Variants in FBXO28 observed in about 807,000 individuals in gnomAD.
The protein encoded by FBXO28 is F-box only protein 28.
FBXO28 carries 8 observed loss-of-function variants against 38.1 expected under a neutral mutation model. The observed-to-expected ratio is 0.21, with a 90% CI of 0.12 to 0.38. FBXO28 has a LOEUF of 0.38. Among genes scored for constraint, FBXO28 ranks in the 10% least tolerant of loss-of-function variants. The pLI is 1.00. For missense variants in FBXO28, 345 were observed against 460.6 expected, an observed-to-expected ratio of 0.75 and a Z score of 2.30; for synonymous variants, 168 against 173.8, an observed-to-expected ratio of 0.97 and a Z score of 0.26.
chr1:224,147,098 ACT>A (rs1341717453), intron 3 of FBXO28, among the ~76,000 whole-genome samples: 1 of 151,828 alleles, frequency 6.6e-6, no homozygotes, highest in Admixed American at 6.6e-5. Flanking sequence ...ATTTAGTGAG[ACT>A]CTGTCAAAAA....
chr1:224,136,995 G>C (rs1437287339), intron 3 of FBXO28, among the ~76,000 whole-genome samples: 5 of 151,334 alleles, frequency 3.3e-5, no homozygotes, highest in African/African-American at 1.2e-4. Flanking sequence ...CAAGTGATCC[G>C]CCTGCCTTGG....
chr1:224,135,619 A>AG (rs1260012729), intron 3 of FBXO28, among the ~76,000 whole-genome samples: 2 of 100,228 alleles, frequency 2.0e-5, no homozygotes, highest in East Asian at 2.4e-4. Context: ...CTCAAAAAAA[A>AG]AAAAAAAAAA....
chr1:224,136,356 A>G (rs1040860503), intron 3 of FBXO28, among the ~76,000 whole-genome samples: 1 of 151,932 alleles, frequency 6.6e-6, no homozygotes, highest in African/African-American at 2.4e-5. Context: ...AGTCTAACAT[A>G]TAATCTTCAT....
intron 3 of FBXO28, among the ~76,000 whole-genome samples, chr1:224,148,619 A>G (rs1393010510): frequency 6.6e-6 from 1 of 151,808 alleles, no homozygotes; most frequent in East Asian, 1.9e-4. Context: ...CCAAGATCGC[A>G]CCACCGCACT....
intron 1 of FBXO28, among the ~76,000 whole-genome samples, chr1:224,129,749 G>A (rs968432076): frequency 6.6e-6 from 1 of 152,154 alleles, no homozygotes; most frequent in Non-Finnish European, 1.5e-5. Flanking sequence ...CAGCACTTTG[G>A]GAGGCCGAGG....
chr1:224,140,325 A>AT (rs1377771004), intron 3 of FBXO28, among the ~76,000 whole-genome samples: 11 of 151,968 alleles, frequency 7.2e-5, no homozygotes, highest in Admixed American at 5.9e-4. Context: ...CTTCCTAGCA[A>AT]TTTTTTTTGT....
intron 3 of FBXO28, among the ~76,000 whole-genome samples, chr1:224,140,081 A>C (rs1657308461): frequency 6.6e-6 from 1 of 152,188 alleles, no homozygotes; most frequent in Non-Finnish European, 1.5e-5. Flanking sequence ...ACAGAGCAAG[A>C]TCTTGTCTCA....
rs1013763048 is a variant in FBXO28 at position 224,160,024 on chromosome 1, C to T, written c.*2278C>T. ...AGCTAATTCATTGTACTTGTTAATG[C>T]ATGAATGTTCCATGCAGTAGGAGAA... On this transcript the variant is annotated 3_prime_UTR_variant, in exon 5 of 5. Transcript: ENST00000366862. 3 of 152,182 alleles carry T rather than the reference C, an allele frequency of 2.0e-5. No individual in the cohort carries two copies. The highest frequency in any genetic ancestry group is 4.4e-5 in the Non-Finnish European group (3 of 68,032). The allele number at this position is 152,182 out of a possible 1,614,324, so 9.4% of individuals were successfully genotyped here.
intron 3 of FBXO28, among the ~76,000 whole-genome samples, chr1:224,152,673 G>GT (rs1657674418): frequency 6.6e-6 from 1 of 152,112 alleles, no homozygotes; most frequent in African/African-American, 2.4e-5. Flanking sequence ...GTTCACACCT[G>GT]TAATCTTTGC....
chr1:224,134,637 T>A (rs10799483), intron 3 of FBXO28, among the ~76,000 whole-genome samples: 140,885 of 152,238 alleles, frequency 0.93, 66,065 homozygotes, highest in Non-Finnish European at 1. Flanking sequence ...ATAAACTTTC[T>A]GATTTGACAA....
intron 4 of FBXO28, among the ~76,000 whole-genome samples, chr1:224,153,921 CAAA>C (rs3065992): frequency 3.8e-5 from 5 of 130,668 alleles, no homozygotes; most frequent in East Asian, 4.3e-4. Context: ...AACTCCATCT[CAAA>C]AAAAAAAAAA....
chr1:224,132,720 G>A (rs548104262), intron 2 of FBXO28, among the ~76,000 whole-genome samples: 3 of 151,662 alleles, frequency 2.0e-5, no homozygotes, highest in South Asian at 2.1e-4. Context: ...CAGGAGAATT[G>A]CTTGAACCTG....
Position 224,160,671 on chromosome 1 carries a change from GTT to G in FBXO28, c.*2928_*2929del, listed in dbSNP as rs1243327777. 2.7e-5 allele frequency: 4 copies of G among 147,012 alleles called. No individual in the cohort carries two copies. Among genetic ancestry groups the G allele is most frequent in the African/African-American group, 5.1e-5 (2 of 39,362 alleles). The allele number at this position is 147,012 out of a possible 1,614,324, so 9.1% of individuals were successfully genotyped here. On this transcript the variant is annotated 3_prime_UTR_variant, in exon 5 of 5. Coordinates refer to ENST00000366862, the MANE Select transcript of FBXO28 (RefSeq NM_015176.4). ...TTGAGAGTCATTATACTTTAAAATA[GTT>G]TTAAAGACTATTGGGGTACCATCAG...
At position 224,141,297 on chromosome 1, in the gene FBXO28, C is replaced by T. The variant is rs188675725; in HGVS notation, c.516+7085C>T. Among the ~76,000 whole-genome samples the T allele has an allele frequency of 9.2e-5, 14 of 152,198 alleles. No homozygotes were observed. The East Asian group carries it at 2.7e-3, about 29-fold the overall frequency. ...ACCATCCTGGCTAACAGGTGAAACC[C>T]TGTCTCTAATTAAAATACAAAAAAT... On this transcript the variant is annotated intron_variant, in intron 3 of 4. Coordinates refer to ENST00000366862, the MANE Select transcript of FBXO28 (RefSeq NM_015176.4).
intron 3 of FBXO28, among the ~76,000 whole-genome samples, chr1:224,137,068 T>G (rs1470484735): frequency 2.6e-5 from 4 of 151,632 alleles, no homozygotes; most frequent in Admixed American, 2.6e-4. Flanking sequence ...GCTTTTATAC[T>G]TTGTTAAGAA....
intron 4 of FBXO28, among the ~76,000 whole-genome samples, chr1:224,153,953 C>A (rs1657707730): frequency 6.6e-6 from 1 of 151,882 alleles, no homozygotes; most frequent in Admixed American, 6.6e-5. Context: ...GATTGCTGGA[C>A]CAGGCGCAGT....
At chr1:224,124,939 G>A (rs531253341) in intron 1 of FBXO28, among the ~76,000 whole-genome samples, 8 of 152,108 alleles carry the variant, frequency 5.3e-5, no homozygotes, top group African/African-American at 9.6e-5. Context: ...TGTTGACCAG[G>A]TGGTCTTGAA....
intron 3 of FBXO28, among the ~76,000 whole-genome samples, chr1:224,145,217 C>A (rs1657470076): frequency 7.5e-6 from 1 of 133,898 alleles, no homozygotes; most frequent in African/African-American, 2.8e-5. Flanking sequence ...TCGCTTGAAC[C>A]AGGGAGGCAG....
chr1:224,141,630 A>G (rs536980895), intron 3 of FBXO28, among the ~76,000 whole-genome samples: 21 of 151,902 alleles, frequency 1.4e-4, no homozygotes, highest in South Asian at 6.2e-4. Flanking sequence ...GGTATAGTCT[A>G]TTGCTCCTGA....
Sources: allele counts gnomAD v4.1 joint callset (sites outside exome capture counted in the v4.1 genomes callset), GRCh38; gene constraint gnomAD v4.1.1; transcripts MANE v1.5; gene names NCBI Gene and HGNC (gene_info 2026-07-23, HGNC 2026-07-21).